The following RHAG variants were observed in gnomAD, a reference collection of about 807,000 sequenced individuals.
RHAG encodes ammonium transporter Rh type A.
RHAG carries 25 observed loss-of-function variants against 42.4 expected under a neutral mutation model. That is an observed-to-expected ratio of 0.59 (90% CI 0.43 to 0.82). RHAG has a LOEUF of 0.82. Among genes scored for constraint, RHAG ranks in the 40% least tolerant of loss-of-function variants. The pLI, the probability that RHAG is intolerant of heterozygous loss-of-function variation, is 0.00. For synonymous variants in RHAG, 182 were observed against 177.7 expected (o/e 1.02, Z -0.19); for missense variants, 483 against 504.6 (o/e 0.96, Z 0.41).
At chr6:49,625,169 C>T (rs1380882650) in intron 1 of RHAG, among the ~76,000 whole-genome samples, 1 of 152,144 alleles carries the variant, frequency 6.6e-6, no homozygotes, top group Non-Finnish European at 1.5e-5. Flanking sequence ...TTAGTGAAGA[C>T]CAAGAAATAT....
chr6:49,628,297 C>T, intron 1 of RHAG, among the ~76,000 whole-genome samples: 1 of 152,094 alleles, frequency 6.6e-6, no homozygotes, highest in Non-Finnish European at 1.5e-5. Flanking sequence ...CACACTACCA[C>T]ACTCAGCTAA....
intron 1 of RHAG, among the ~76,000 whole-genome samples, chr6:49,636,394 T>C (rs1370368773): frequency 6.6e-6 from 1 of 152,144 alleles, no homozygotes; most frequent in African/African-American, 2.4e-5. Context: ...CATTTAGCAG[T>C]AGATAAGCAA....
intron 1 of RHAG, among the ~76,000 whole-genome samples, chr6:49,621,468 C>T (rs1277758602): frequency 2.0e-5 from 3 of 152,152 alleles, no homozygotes; most frequent in Middle Eastern, 3.2e-3. Context: ...TCCTTCTCTG[C>T]CCAAATTCTT....
At chr6:49,610,498 T>G (rs143509641) in intron 7 of RHAG, among the ~76,000 whole-genome samples, 5 of 152,308 alleles carry the variant, frequency 3.3e-5, no homozygotes, top group Non-Finnish European at 7.4e-5. Flanking sequence ...AATCTTCTTA[T>G]TTTACAGAGG....
chr6:49,632,703 T>A (rs1204862315), intron 1 of RHAG, among the ~76,000 whole-genome samples: 4 of 152,024 alleles, frequency 2.6e-5, no homozygotes. Context: ...CCACAGAGTA[T>A]AAAAAAATCA....
intron 3 of RHAG, 118 bp from the exon 4 acceptor site, chr6:49,615,889 CAGA>C (rs1762644423): frequency 2.0e-6 from 2 of 1,010,484 alleles, no homozygotes; most frequent in Non-Finnish European, 3.1e-6. Flanking sequence ...TAAAGAGGGA[CAGA>C]AAGATTGTGT....
At chr6:49,617,811 G>C (rs1762678916) in intron 3 of RHAG, among the ~76,000 whole-genome samples, 1 of 152,156 alleles carries the variant, frequency 6.6e-6, no homozygotes, top group Non-Finnish European at 1.5e-5. Context: ...CAGCATCTGT[G>C]ATAATCAGTT....
At chr6:49,635,875 T>G (rs2127360041) in intron 1 of RHAG, among the ~76,000 whole-genome samples, 1 of 152,264 alleles carries the variant, frequency 6.6e-6, no homozygotes, top group Non-Finnish European at 1.5e-5. Flanking sequence ...ATTTGAACCT[T>G]ACTTAAGAAA....
chr6:49,614,040 A>G (rs1762609129), intron 5 of RHAG, among the ~76,000 whole-genome samples: 1 of 152,188 alleles, frequency 6.6e-6, no homozygotes, highest in South Asian at 2.1e-4. Flanking sequence ...TGTTTCTAAG[A>G]AATCTTTTCT....
intron 1 of RHAG, among the ~76,000 whole-genome samples, chr6:49,628,879 A>G (rs899303224): frequency 1.3e-5 from 2 of 152,162 alleles, no homozygotes; most frequent in Admixed American, 6.5e-5. Flanking sequence ...AGCAAGATTT[A>G]TTGCAAAAAG....
intron 3 of RHAG, among the ~76,000 whole-genome samples, chr6:49,616,474 A>G (rs899436930): frequency 1.3e-5 from 2 of 152,100 alleles, no homozygotes; most frequent in African/African-American, 4.8e-5. Context: ...TCAAAAAACC[A>G]GAGTTTTTAC....
At chr6:49,620,836 G>T (rs764401435) in intron 1 of RHAG, among the ~76,000 whole-genome samples, 2 of 152,128 alleles carry the variant, frequency 1.3e-5, no homozygotes, top group Non-Finnish European at 2.9e-5. Flanking sequence ...CGGCCCCATA[G>T]TCTCTTTTAA....
intron 1 of RHAG, among the ~76,000 whole-genome samples, chr6:49,628,574 C>T (rs538127601): frequency 9.2e-5 from 14 of 151,990 alleles, no homozygotes; most frequent in Admixed American, 7.2e-4. Flanking sequence ...CTGGTGGGTT[C>T]GTGGTCTCCC....
intron 2 of RHAG, 126 bp downstream of exon 2, chr6:49,619,053 C>T (rs552150067): frequency 2.9e-6 from 3 of 1,021,708 alleles, no homozygotes; most frequent in African/African-American, 3.2e-5. Context: ...TTCATAAACA[C>T]TCTGCCTTCA....
intron 4 of RHAG, 71 bp downstream of exon 4, chr6:49,615,553 C>G: frequency 6.5e-7 from 1 of 1,545,688 alleles, no homozygotes; most frequent in South Asian, 1.1e-5. Context: ...CATCTCACAC[C>G]CTTGTTGAAG....
intron 1 of RHAG, among the ~76,000 whole-genome samples, chr6:49,630,610 C>A (rs1221625471): frequency 2.0e-5 from 3 of 152,166 alleles, no homozygotes; most frequent in African/African-American, 7.2e-5. Context: ...ATTATTGTTA[C>A]ATATTTCAAA....
Position 49,611,096 on chromosome 6 carries a change from T to C in RHAG, c.995A>G (p.Asn332Ser), listed in dbSNP as rs774099520. The change falls in exon 7 of 10, where the codon AAC becomes AGC. Residue 332 changes from asparagine (N) to serine (S), a missense_variant. By Grantham distance (46) the Asn-to-Ser change is conservative. Coordinates refer to ENST00000371175, the MANE Select transcript of RHAG (RefSeq NM_000324.3). ...CACTACACCAGGTAAGCCGTGGAGG[T>C]TATGGACCCCACATGTATCATGGAT... ...LRIHDTCGVH[N>S]LHGLPGVVGG... The C allele has an allele frequency of 3.1e-5, 50 of 1,613,582 alleles. No individual in the cohort carries two copies. Among genetic ancestry groups the C allele is most frequent in the Non-Finnish European group, 4.2e-5 (49 of 1,179,776 alleles).
chr6:49,633,042 G>A (rs183414602), intron 1 of RHAG, among the ~76,000 whole-genome samples: 3 of 152,236 alleles, frequency 2.0e-5, no homozygotes, highest in Admixed American at 1.3e-4. Flanking sequence ...TTGTGCTTAC[G>A]GTTGTGTGCA....
intron 7 of RHAG, among the ~76,000 whole-genome samples, chr6:49,608,403 C>A (rs541984991): frequency 6.6e-6 from 1 of 151,912 alleles, no homozygotes; most frequent in Non-Finnish European, 1.5e-5. Flanking sequence ...TTTTTTGAGA[C>A]GGAGTCTCGC....
Sources: allele counts gnomAD v4.1 joint callset (sites outside exome capture counted in the v4.1 genomes callset), GRCh38; gene constraint gnomAD v4.1.1; transcripts MANE v1.5; gene names NCBI Gene and HGNC (gene_info 2026-07-23, HGNC 2026-07-21).